Variants in ALOX12B observed in about 807,000 individuals in gnomAD.
ALOX12B encodes arachidonate 12-lipoxygenase, 12R-type.
ALOX12B carries 47 observed loss-of-function variants against 78.9 expected under a neutral mutation model. The observed-to-expected ratio is 0.60, with a 90% CI of 0.47 to 0.76. The LOEUF (loss-of-function observed/expected upper bound fraction) is 0.76. Among genes scored for constraint, ALOX12B ranks in the 30% least tolerant of loss-of-function variants. The probability of loss-of-function intolerance (pLI) is 0.00; values close to 1 mark genes in which losing one functional copy is unlikely to be tolerated. For synonymous variants in ALOX12B, 370 were observed against 374.5 expected (o/e 0.99, Z 0.14); for missense variants, 805 against 922.6 (o/e 0.87, Z 1.65).
At position 8,076,756 on chromosome 17, in the gene ALOX12B, C is replaced by G. The variant is rs370659573; in HGVS notation, c.1276-13G>C. Reference sequence around the variant, plus strand: ...GGGGGATGAGGAGCTGTGGGGAGAGCAAGGAGGATGAAGAGAGAGGGCTGA... The same window carrying G: ...GGGGGATGAGGAGCTGTGGGGAGAGGAAGGAGGATGAAGAGAGAGGGCTGA... On this transcript the variant is annotated splice_polypyrimidine_tract_variant and intron_variant, in intron 9 of 14. Coordinates refer to ENST00000647874, the MANE Select transcript of ALOX12B (RefSeq NM_001139.3). 1.8e-5 allele frequency: 28 copies of G among 1,549,340 alleles called. No individual in the cohort carries two copies. The highest frequency in any genetic ancestry group is 2.3e-5 in the Non-Finnish European group (26 of 1,146,546).
Position 8,077,179 on chromosome 17 carries a change from A to G in ALOX12B, c.1086T>C (p.Pro362=). The G allele has an allele frequency of 1.2e-6, 2 of 1,612,658 alleles. No homozygotes were observed. Among genetic ancestry groups the G allele is most frequent in the Non-Finnish European group, 1.7e-6 (2 of 1,179,464 alleles). Residue 362 remains proline, a synonymous_variant, in exon 9 of 15, where the codon CCT becomes CCC. Transcript: ENST00000647874. ...GCAGGAAGATGGGGCAATCTGGCCC[A>G]GGGGTCTGGCTGAGCTAGGTGTGGT... The part of the protein sequence containing the change: ...MPIAIQLSQT[P]GPDCPIFLPS...
chr17:8,079,336 C>G lies in ALOX12B; in HGVS notation c.1071+60G>C. 1.3e-6 allele frequency: 2 copies of G among 1,545,944 alleles called. No homozygotes were observed. The highest frequency in any genetic ancestry group is 1.7e-6 in the Non-Finnish European group (2 of 1,145,038). On this transcript the variant is annotated intron_variant, in intron 8 of 14. Coordinates refer to ENST00000647874, the MANE Select transcript of ALOX12B (RefSeq NM_001139.3). This position sits in a 1 kb window ranked among gnomAD's most constrained non-coding sequence, Gnocchi z 6.4. ...ACACGCTCACATAAGCGCGCGCACA[C>G]TCGGAGGAGCATTCGCGCACACAGA...
chr17:8,073,945 G>A (rs1447447553), intron 12 of ALOX12B, among the ~76,000 whole-genome samples, 188 bp from the exon 13 acceptor site: 1 of 152,140 alleles, frequency 6.6e-6, no homozygotes, highest in African/African-American at 2.4e-5. Context: ...AGATCATAAG[G>A]CTGGGGACGG....
Position 8,077,582 on chromosome 17 carries a change from C to T in ALOX12B, c.1072-389G>A, listed in dbSNP as rs1455470255. Among the ~76,000 whole-genome samples the T allele has an allele frequency of 5.3e-5, 8 of 152,316 alleles. No homozygotes were observed. The East Asian group carries it at 9.6e-4, about 18-fold the overall frequency. On this transcript the variant is annotated intron_variant, in intron 8 of 14. Coordinates refer to ENST00000647874, the MANE Select transcript of ALOX12B (RefSeq NM_001139.3). ...CAGGCAGATCACTGAAATCAGCCTA[C>T]GCTATTCCATTAAGGAGCCAGGAGC... is the stretch of plus-strand genomic sequence containing the variant.
chr17:8,081,016 C>A (rs769130882), intron 3 of ALOX12B, 40 bp from the exon 4 acceptor site: 4 of 1,613,266 alleles, frequency 2.5e-6, no homozygotes, highest in Non-Finnish European at 3.4e-6. Flanking sequence ...TGCCCGTGCA[C>A]CACCCCAGGG....
intron 1 of ALOX12B, 43 bp from the exon 2 acceptor site, chr17:8,086,263 C>A (rs1343857291): frequency 1.2e-6 from 2 of 1,600,024 alleles, no homozygotes; most frequent in Admixed American, 3.4e-5. Flanking sequence ...GGACTTCACC[C>A]CGGCTCCCAG....
In ALOX12B at chr17:8,080,914, A is replaced by C. The variant is rs1395016298; in HGVS notation, c.497T>G (p.Val166Gly). 7 of 1,613,696 alleles carry C rather than the reference A, an allele frequency of 4.3e-6. No homozygotes were observed. The highest frequency in any genetic ancestry group is 5.1e-6 in the Non-Finnish European group (6 of 1,179,998). ...YVHIPSYRPP[V>G]RRHRNPNRPE... ...CCGGTTGGGGTTGCGATGCCTCCGC[A>C]CCGGAGGGCGGTAACTGGGAATGTG... is the stretch of plus-strand genomic sequence containing the variant. Residue 166 changes from valine (V) to glycine (G), a missense_variant, in exon 4 of 15, where the codon GTG becomes GGG. By Grantham distance (109) the Val-to-Gly change is moderately radical. Coordinates refer to ENST00000647874, the MANE Select transcript of ALOX12B (RefSeq NM_001139.3). This position sits in a 1 kb window ranked among gnomAD's most constrained non-coding sequence, Gnocchi z 4.8.
intron 2 of ALOX12B, 115 bp downstream of exon 2, chr17:8,085,901 C>T: frequency 1.6e-6 from 2 of 1,258,416 alleles, no homozygotes; most frequent in Non-Finnish European, 2.3e-6. Flanking sequence ...CCAGGAGTCC[C>T]TGGTGGGGCT....
At position 8,079,711 on chromosome 17, in the gene ALOX12B, G is replaced by C. The variant is rs1164287861; in HGVS notation, c.927+58C>G. 31 of 1,573,044 alleles carry C rather than the reference G, an allele frequency of 2.0e-5. No individual in the cohort carries two copies. The highest frequency in any genetic ancestry group is 2.6e-5 in the Non-Finnish European group (30 of 1,161,022). Reference sequence around the variant, plus strand: ...GGGCGCCGGAGGTGGGGAGAGACGGGGATGCCCGCGAGGGAGGCCGGGAGG... The same window carrying C: ...GGGCGCCGGAGGTGGGGAGAGACGGCGATGCCCGCGAGGGAGGCCGGGAGG... On this transcript the variant is annotated intron_variant, in intron 7 of 14. Coordinates refer to ENST00000647874, the MANE Select transcript of ALOX12B (RefSeq NM_001139.3). This position sits in a 1 kb window ranked among gnomAD's most constrained non-coding sequence, Gnocchi z 6.4.
At position 8,087,308 on chromosome 17, in the gene ALOX12B, A is replaced by G. The variant is rs117483056; in HGVS notation, c.135T>C (p.Phe45=). The change falls in exon 1 of 15, where the codon TTT becomes TTC. Residue 45 remains phenylalanine (F), a synonymous_variant. Coordinates refer to ENST00000647874, the MANE Select transcript of ALOX12B (RefSeq NM_001139.3). ...KQLLNHFGRD[F]ATGAVGQYTV... ...CACACACTCTTACCGCCCCAGTTGCAAAGTCTCTCCCAAAGTGGTTCAGCA... is the reference window on the plus strand; with the variant it reads ...CACACACTCTTACCGCCCCAGTTGCGAAGTCTCTCCCAAAGTGGTTCAGCA... 3,603 of 1,612,464 alleles carry G rather than the reference A, an allele frequency of 2.2e-3. 7 individuals carry two copies. Among genetic ancestry groups the G allele is most frequent in the Non-Finnish European group, 2.6e-3 (3,049 of 1,179,546 alleles).
At chr17:8,082,946 A>G (rs975264826) in intron 2 of ALOX12B, among the ~76,000 whole-genome samples, 13 of 152,194 alleles carry the variant, frequency 8.5e-5, no homozygotes, top group African/African-American at 2.9e-4. Flanking sequence ...CCCCTTCGTC[A>G]CAACTGCAAA....
At chr17:8,084,636 C>T (rs773355006) in intron 2 of ALOX12B, among the ~76,000 whole-genome samples, 10 of 152,222 alleles carry the variant, frequency 6.6e-5, no homozygotes, top group Non-Finnish European at 1.5e-4. Context: ...CCCAGGCTTT[C>T]CTCGCCTCTC....
At chr17:8,084,420 G>C (rs1010118503) in intron 2 of ALOX12B, among the ~76,000 whole-genome samples, 2 of 152,136 alleles carry the variant, frequency 1.3e-5, no homozygotes, top group African/African-American at 2.4e-5. Context: ...TCATCCCCAG[G>C]GCGGAAGACT....
intron 2 of ALOX12B, among the ~76,000 whole-genome samples, chr17:8,082,802 CCGGA>C (rs1978288853): frequency 6.6e-6 from 1 of 152,188 alleles, no homozygotes; most frequent in African/African-American, 2.4e-5. Context: ...TTCGTCACCA[CCGGA>C]CTTTGGGTAC....
chr17:8,079,500 C>A lies in ALOX12B; in HGVS notation c.967G>T (p.Gly323Cys). Reference sequence around the variant, plus strand: ...CCGCTGAGCTCCACGGTGGGGATGCCCTCCATGATGCGGTAGTCGGCCAGG... The same window carrying A: ...CCGCTGAGCTCCACGGTGGGGATGCACTCCATGATGCGGTAGTCGGCCAGG... ...IYLADYRIME[G>C]IPTVELSGRK... Residue 323 changes from glycine (G) to cysteine (C), a missense_variant, in exon 8 of 15, where the codon GGC becomes TGC. Physicochemically the swap from Gly to Cys is radical, Grantham distance 159. Transcript: ENST00000647874. The surrounding 1 kb of genome is among the most constrained non-coding windows in gnomAD (Gnocchi z 6.4). 6.4e-7 allele frequency: 1 copy of A among 1,550,956 alleles called. No individual in the cohort carries two copies. The highest frequency in any genetic ancestry group is 1.2e-5 in the South Asian group (1 of 84,058).
chr17:8,075,630 A>G lies in ALOX12B; in HGVS notation c.1619T>C (p.Ile540Thr), dbSNP rs1174637390. ...CCGCCCCAGGAGGCACTCTTTAAATATTTCCTGCACCCAAGACTGCAATTC... is the reference window on the plus strand; with the variant it reads ...CCGCCCCAGGAGGCACTCTTTAAATGTTTCCTGCACCCAAGACTGCAATTC... ...DPELQSWVQE[I>T]FKECLLGRES... The change falls in exon 12 of 15, where the codon ATA (isoleucine) becomes ACA (threonine). Residue 540 changes from isoleucine to threonine, a missense_variant. Physicochemically the swap from Ile to Thr is moderately conservative, Grantham distance 89. Transcript: ENST00000647874. 8 of 1,613,924 alleles carry G rather than the reference A, an allele frequency of 5.0e-6. No individual in the cohort carries two copies. The highest frequency in any genetic ancestry group is 5.1e-6 in the Non-Finnish European group (6 of 1,179,980).
chr17:8,087,326 G>T lies in ALOX12B; in HGVS notation c.117C>A (p.Asn39Lys), dbSNP rs1162827968. 1 of 1,613,486 alleles carries T rather than the reference G, an allele frequency of 6.2e-7. No homozygotes were observed. Among genetic ancestry groups the T allele is most frequent in the Non-Finnish European group, 8.5e-7 (1 of 1,179,958 alleles). The change falls in exon 1 of 15, where the codon AAC (asparagine) becomes AAA (lysine). Residue 39 changes from asparagine to lysine, a missense_variant. By Grantham distance (94) the Asn-to-Lys change is moderately conservative. Transcript: ENST00000647874. ...TQGESHKQLL[N>K]HFGRDFATGA... Reference sequence around the variant, plus strand: ...CAGTTGCAAAGTCTCTCCCAAAGTGGTTCAGCAGCTGCTTATGGCTCTCTC... The same window carrying T: ...CAGTTGCAAAGTCTCTCCCAAAGTGTTTCAGCAGCTGCTTATGGCTCTCTC...
intron 1 of ALOX12B, 102 bp downstream of exon 1, chr17:8,087,194 T>C (rs1598184965): frequency 6.6e-7 from 1 of 1,526,084 alleles, no homozygotes; most frequent in Admixed American, 1.9e-5. Flanking sequence ...CCTTCACCCC[T>C]CCCGGGGCCA....
chr17:8,076,775 G>T, intron 9 of ALOX12B, 32 bp from the exon 10 acceptor site: 1 of 1,543,264 alleles, frequency 6.5e-7, no homozygotes, highest in Admixed American at 2.0e-5. Context: ...TGAAGAGAGA[G>T]GGCTGAAGTG....
Sources: allele counts gnomAD v4.1 joint callset (sites outside exome capture counted in the v4.1 genomes callset), GRCh38; gene constraint gnomAD v4.1.1; non-coding constraint Gnocchi (gnomAD v3.1); transcripts MANE v1.5; gene names NCBI Gene and HGNC (gene_info 2026-07-23, HGNC 2026-07-21).